Variants in RHPN2 observed in about 807,000 individuals in gnomAD.
RHPN2 encodes the protein rhophilin Rho GTPase binding protein 2.
RHPN2 carries 40 observed loss-of-function variants against 79.0 expected under a neutral mutation model. The ratio of observed to expected loss-of-function variants is 0.51; its 90% CI spans 0.39 to 0.66. RHPN2 has a LOEUF of 0.66. RHPN2 is among the 30% of genes least tolerant of loss of function. RHPN2 has a pLI of 0.00. For missense variants in RHPN2, 686 were observed against 883.5 expected (o/e 0.78, Z 2.83); for synonymous variants, 285 against 363.5 (o/e 0.78, Z 2.46).
intron 4 of RHPN2, among the ~76,000 whole-genome samples, chr19:33,021,315 G>A (rs2145245632): frequency 6.6e-6 from 1 of 152,298 alleles, no homozygotes; most frequent in Non-Finnish European, 1.5e-5. Flanking sequence ...TGCCTGTTGA[G>A]CCTAAGGCCA....
Position 32,989,962 on chromosome 19 carries a change from A to G in RHPN2, c.1800+552T>C, listed in dbSNP as rs1414320828. The stretch of plus-strand genomic sequence containing the variant: ...CTACTAAAAATACAAAAAATTAGCC[A>G]GGCATGTTGGCAGGCGCCTGTAGTC... On this transcript the variant is annotated intron_variant, in intron 14 of 14. Transcript: ENST00000254260. Among the ~76,000 whole-genome samples the G allele has an allele frequency of 5.3e-5, 8 of 152,178 alleles. No individual in the cohort carries two copies. The East Asian group carries it at 1.5e-3, about 29-fold the overall frequency.
chr19:33,050,863 T>C (rs149596755), intron 1 of RHPN2, among the ~76,000 whole-genome samples: 1 of 151,818 alleles, frequency 6.6e-6, no homozygotes, highest in East Asian at 1.9e-4. Flanking sequence ...GTTCCTTTTT[T>C]ATTGTGGGAT....
intron 1 of RHPN2, among the ~76,000 whole-genome samples, chr19:33,044,619 A>C (rs940027329): frequency 3.3e-5 from 5 of 152,176 alleles, no homozygotes; most frequent in Admixed American, 1.3e-4. Flanking sequence ...TGAGCTAGGC[A>C]CTGTGGCTCA....
At chr19:33,031,697 T>C (rs1413299463) in intron 2 of RHPN2, among the ~76,000 whole-genome samples, 1 of 151,902 alleles carries the variant, frequency 6.6e-6, no homozygotes, top group African/African-American at 2.4e-5. Context: ...GTAGGTTTTT[T>C]GTGGGTGTGT....
At chr19:33,026,669 C>CA (rs751795572) in intron 2 of RHPN2, 37 bp from the exon 3 acceptor site, 2 of 1,594,910 alleles carry the variant, frequency 1.3e-6, no homozygotes, top group Non-Finnish European at 1.7e-6. Context: ...TGCCCTCAGC[C>CA]AGGTATCCTG....
chr19:33,063,019 T>A (rs1204247442), intron 1 of RHPN2, among the ~76,000 whole-genome samples: 1 of 152,016 alleles, frequency 6.6e-6, no homozygotes, highest in Non-Finnish European at 1.5e-5. Context: ...GAGCTACACC[T>A]GCTCAGAGAA....
chr19:33,007,971 G>C, intron 7 of RHPN2, 43 bp downstream of exon 7: 1 of 1,609,240 alleles, frequency 6.2e-7, no homozygotes, highest in Non-Finnish European at 8.5e-7. Flanking sequence ...GTGCCACCGG[G>C]TGGGGCCAAG....
intron 2 of RHPN2, among the ~76,000 whole-genome samples, chr19:33,036,832 T>C (rs1972060544): frequency 1.3e-5 from 2 of 151,188 alleles, no homozygotes; most frequent in Admixed American, 1.3e-4. Context: ...TGCCTTCCCG[T>C]GGGGCAGGGC....
chr19:32,988,249 GA>G (rs1971627573), intron 14 of RHPN2, among the ~76,000 whole-genome samples: 1 of 151,168 alleles, frequency 6.6e-6, no homozygotes, highest in Admixed American at 6.6e-5. Flanking sequence ...AACAACAACA[GA>G]AAAAAGAAAT....
chr19:33,019,558 A>C (rs938813748), intron 4 of RHPN2, among the ~76,000 whole-genome samples: 2 of 151,542 alleles, frequency 1.3e-5, no homozygotes, highest in African/African-American at 4.9e-5. Context: ...TAGCCTGGGC[A>C]ACGAGAGCTA....
intron 14 of RHPN2, 44 bp from the exon 15 acceptor site, chr19:32,980,300 G>C: frequency 6.2e-7 from 1 of 1,612,264 alleles, no homozygotes; most frequent in Non-Finnish European, 8.5e-7. Context: ...GCATCATCAA[G>C]ATAGATGATA....
intron 1 of RHPN2, among the ~76,000 whole-genome samples, chr19:33,053,425 CTTT>C (rs11297306): frequency 4.5e-5 from 6 of 132,000 alleles, no homozygotes; most frequent in Non-Finnish European, 8.0e-5. Flanking sequence ...AACAGTTTTG[CTTT>C]TTTTTTTTTT....
chr19:32,980,218 T>C lies in RHPN2; in HGVS notation c.1839A>G (p.Lys613=). ...KSATYSVGMQ[K]TYSMICLAID... ...TGGCTAAGCAGATCATGGAGTACGT[T>C]TTCTGCATTCCCACGGAGTATGTGG... Residue 613 remains lysine (K), a synonymous_variant, in exon 15 of 15, where the codon AAA becomes AAG. Coordinates refer to ENST00000254260, the MANE Select transcript of RHPN2 (RefSeq NM_033103.5). The C allele has an allele frequency of 1.9e-6, 3 of 1,613,846 alleles. No homozygotes were observed. Among genetic ancestry groups the C allele is most frequent in the Non-Finnish European group, 2.5e-6 (3 of 1,179,798 alleles).
intron 14 of RHPN2, among the ~76,000 whole-genome samples, chr19:32,985,063 A>G (rs546767638): frequency 1.9e-4 from 29 of 152,060 alleles, no homozygotes; most frequent in African/African-American, 6.5e-4. Context: ...CAGTGGCACA[A>G]TCTCGGCTCA....
intron 9 of RHPN2, among the ~76,000 whole-genome samples, chr19:33,001,664 T>C (rs1487348034): frequency 2.0e-5 from 3 of 152,200 alleles, no homozygotes; most frequent in African/African-American, 7.2e-5. Context: ...TGGAGTGCAG[T>C]GGCACAATCT....
At chr19:33,013,452 C>G (rs1452057945) in intron 4 of RHPN2, among the ~76,000 whole-genome samples, 2 of 152,152 alleles carry the variant, frequency 1.3e-5, no homozygotes, top group African/African-American at 2.4e-5. Flanking sequence ...GCCTCAGCCT[C>G]CCAAAGTGCT....
rs1187013292 is a variant in RHPN2, at chr19:33,036,131, TA to T, written c.185+8117del. Among the ~76,000 whole-genome samples, 5 of 146,094 alleles carry T rather than the reference TA, an allele frequency of 3.4e-5. No individual in the cohort carries two copies. In the East Asian group the frequency reaches 8.0e-4, roughly 23 times the overall value. On this transcript the variant is annotated intron_variant, in intron 2 of 14. Transcript: ENST00000254260. Reference sequence around the variant, plus strand: ...GACTCCATCTCAAAAAAAAAAAAATTAAAAAAAAAGATAATAATATCGATTC... The same window carrying T: ...GACTCCATCTCAAAAAAAAAAAAATTAAAAAAAAGATAATAATATCGATTC...
In RHPN2 at chr19:33,027,877, C is replaced by T. The variant is rs1204067173; in HGVS notation, c.186-1245G>A. Among the ~76,000 whole-genome samples, 4 of 152,096 alleles carry T rather than the reference C, an allele frequency of 2.6e-5. No homozygotes were observed. In the East Asian group the frequency reaches 5.8e-4, roughly 22 times the overall value. ...AATTTATGAAATCTGATAAAAGACA[C>T]CTACAAAAACCCACAGTTAACATCA... On this transcript the variant is annotated intron_variant, in intron 2 of 14. Coordinates refer to ENST00000254260, the MANE Select transcript of RHPN2 (RefSeq NM_033103.5).
chr19:33,018,181 T>C (rs1971893268), intron 4 of RHPN2, among the ~76,000 whole-genome samples: 1 of 150,978 alleles, frequency 6.6e-6, no homozygotes, highest in African/African-American at 2.4e-5. Flanking sequence ...ACACAAAAAT[T>C]AGTTGGCCAT....
Sources: allele counts gnomAD v4.1 joint callset (sites outside exome capture counted in the v4.1 genomes callset), GRCh38; gene constraint gnomAD v4.1.1; transcripts MANE v1.5; gene names NCBI Gene and HGNC (gene_info 2026-07-23, HGNC 2026-07-21).